ERICH6B: variants seen among roughly 807,000 people sequenced by gnomAD.
The protein encoded by ERICH6B is glutamate-rich protein 6B.
A neutral mutation model predicts 80.0 loss-of-function variants in ERICH6B; 69 were observed. The ratio of observed to expected loss-of-function variants is 0.86; its 90% CI spans 0.71 to 1.05. ERICH6B has a LOEUF of 1.05. Ranked by LOEUF, ERICH6B falls within the 50% of genes least tolerant of loss-of-function variation. The pLI is 0.00. For missense variants in ERICH6B, 754 were observed against 796.1 expected, an observed-to-expected ratio of 0.95 and a Z score of 0.64; for synonymous variants, 283 against 291.9, an observed-to-expected ratio of 0.97 and a Z score of 0.31.
chr13:45,574,635 T>C (rs1024687478), intron 8 of ERICH6B, among the ~76,000 whole-genome samples: 2 of 152,008 alleles, frequency 1.3e-5, no homozygotes, highest in African/African-American at 4.8e-5. Context: ...ATAGAGGGAG[T>C]AGGCTTTCCT....
At position 45,546,845 on chromosome 13, in the gene ERICH6B, C is replaced by T. The variant is rs186500177; in HGVS notation, c.1647-1860G>A. Among the ~76,000 whole-genome samples, 153 of 152,324 alleles carry T rather than the reference C, an allele frequency of 1.0e-3. 1 individual carries two copies. The highest frequency in any genetic ancestry group is 1.6e-4 in the Non-Finnish European group (11 of 68,024). On this transcript the variant is annotated intron_variant, in intron 13 of 14. Coordinates refer to ENST00000298738, the MANE Select transcript of ERICH6B (RefSeq NM_182542.3). ...CTGCTATGGGAAGCCTTGCTCACCT[C>T]CAGTGGGGAGGACTTCCAGTCACTC... is the stretch of plus-strand genomic sequence containing the variant.
chr13:45,614,912 A>G (rs1372666686), intron 1 of ERICH6B, among the ~76,000 whole-genome samples: 1 of 152,268 alleles, frequency 6.6e-6, no homozygotes, highest in African/African-American at 2.4e-5. Context: ...ACATTAAAAC[A>G]TGCCAGGGGG....
At chr13:45,568,683 A>T (rs534675047) in intron 8 of ERICH6B, among the ~76,000 whole-genome samples, 6 of 152,314 alleles carry the variant, frequency 3.9e-5, no homozygotes, top group African/African-American at 1.4e-4. Flanking sequence ...ACCATGGCAC[A>T]CGTTTACCTG....
At chr13:45,590,550 A>G in intron 4 of ERICH6B, 99 bp downstream of exon 4, 2 of 1,160,220 alleles carry the variant, frequency 1.7e-6, no homozygotes, top group Non-Finnish European at 2.5e-6. Context: ...TTCCTCCCCT[A>G]CTCCATGCCA....
chr13:45,600,605 T>G (rs1333121223), intron 2 of ERICH6B, among the ~76,000 whole-genome samples: 2 of 152,244 alleles, frequency 1.3e-5, no homozygotes, highest in Non-Finnish European at 2.9e-5. Flanking sequence ...TACGTGGTAT[T>G]TGTCTTTCTG....
chr13:45,599,061 G>A (rs367570231), intron 2 of ERICH6B, among the ~76,000 whole-genome samples: 6 of 152,318 alleles, frequency 3.9e-5, no homozygotes, highest in South Asian at 2.1e-4. Flanking sequence ...CCCAAGAAAC[G>A]TTTTGTATCT....
At chr13:45,583,897 A>G (rs1460047049) in intron 5 of ERICH6B, among the ~76,000 whole-genome samples, 2 of 152,162 alleles carry the variant, frequency 1.3e-5, no homozygotes, top group East Asian at 1.9e-4. Context: ...AGCAGCATGA[A>G]AACAGACTAA....
chr13:45,556,509 A>T (rs1874444310), intron 11 of ERICH6B, among the ~76,000 whole-genome samples: 1 of 152,154 alleles, frequency 6.6e-6, no homozygotes, highest in Non-Finnish European at 1.5e-5. Flanking sequence ...CCGAAGCAGT[A>T]ATCACTGAAC....
chr13:45,579,207 C>T (rs1188063068), intron 7 of ERICH6B, among the ~76,000 whole-genome samples: 2 of 152,204 alleles, frequency 1.3e-5, no homozygotes, highest in Non-Finnish European at 1.5e-5. Flanking sequence ...TAGTACCTTT[C>T]TGGCGGTGCG....
intron 13 of ERICH6B, 73 bp downstream of exon 13, chr13:45,549,820 A>C (rs902694757): frequency 1.4e-6 from 2 of 1,451,262 alleles, no homozygotes; most frequent in East Asian, 5.0e-5. Flanking sequence ...AAGTTCATAC[A>C]GTCTGGGAGT....
At chr13:45,594,125 A>C (rs1876266611) in intron 3 of ERICH6B, among the ~76,000 whole-genome samples, 1 of 152,248 alleles carries the variant, frequency 6.6e-6, no homozygotes, top group Admixed American at 6.5e-5. Context: ...ACTATTCTAC[A>C]TAAAAACATT....
intron 1 of ERICH6B, among the ~76,000 whole-genome samples, chr13:45,610,708 T>C (rs1949894679): frequency 6.6e-6 from 1 of 152,200 alleles, no homozygotes; most frequent in Non-Finnish European, 1.5e-5. Flanking sequence ...ATTGTAACAA[T>C]GGTAAGAATT....
chr13:45,592,222 C>T (rs1876184670), intron 3 of ERICH6B, among the ~76,000 whole-genome samples: 1 of 152,214 alleles, frequency 6.6e-6, no homozygotes, highest in African/African-American at 2.4e-5. Context: ...ACTATGTTCC[C>T]TAACTTTCGC....
At chr13:45,549,260 G>A (rs1250015426) in intron 13 of ERICH6B, among the ~76,000 whole-genome samples, 1 of 151,678 alleles carries the variant, frequency 6.6e-6, no homozygotes, top group African/African-American at 2.4e-5. Flanking sequence ...CTCCAGCTTG[G>A]GCCGCAGAGC....
chr13:45,597,459 G>T (rs1313685280), intron 2 of ERICH6B, among the ~76,000 whole-genome samples: 1 of 152,202 alleles, frequency 6.6e-6, no homozygotes. Context: ...ACAAAAAACA[G>T]ATTACTAAAC....
chr13:45,554,171 T>C (rs1227142493), intron 11 of ERICH6B, among the ~76,000 whole-genome samples: 4 of 152,218 alleles, frequency 2.6e-5, no homozygotes, highest in Non-Finnish European at 5.9e-5. Flanking sequence ...CTCTGTTCTA[T>C]GAGTTTGGTG....
chr13:45,579,821 G>C, intron 7 of ERICH6B, 112 bp downstream of exon 7: 1 of 1,047,968 alleles, frequency 9.5e-7, no homozygotes, highest in Non-Finnish European at 1.4e-6. Context: ...GTCCCCTCTG[G>C]GCCCTGGGTC....
At chr13:45,560,208 T>C (rs980184335) in intron 11 of ERICH6B, among the ~76,000 whole-genome samples, 1 of 152,246 alleles carries the variant, frequency 6.6e-6, no homozygotes, top group East Asian at 1.9e-4. Context: ...TTCTCGCTTT[T>C]GGTGTTCATT....
intron 8 of ERICH6B, among the ~76,000 whole-genome samples, chr13:45,568,908 T>A (rs1235984673): frequency 1.3e-5 from 2 of 152,228 alleles, no homozygotes; most frequent in African/African-American, 2.4e-5. Flanking sequence ...ACAATTATCT[T>A]CTTTTTTCAA....
Sources: allele counts gnomAD v4.1 joint callset (sites outside exome capture counted in the v4.1 genomes callset), GRCh38; gene constraint gnomAD v4.1.1; transcripts MANE v1.5; gene names NCBI Gene and HGNC (gene_info 2026-07-23, HGNC 2026-07-21).